Variants in PSMB2 observed in about 807,000 individuals in gnomAD.
PSMB2 encodes proteasome subunit beta type-2.
A neutral mutation model predicts 25.7 loss-of-function variants in PSMB2; 13 were observed. The observed-to-expected ratio is 0.51, with a 90% CI of 0.33 to 0.80. The LOEUF is 0.80. Among genes scored for constraint, PSMB2 ranks in the 30% least tolerant of loss-of-function variants. The pLI is 0.02. For missense variants in PSMB2, 202 were observed against 259.0 expected (o/e 0.78, Z 1.51); for synonymous variants, 87 against 96.2 (o/e 0.90, Z 0.56).
chr1:35,631,124 A>G lies in PSMB2; in HGVS notation c.285+150T>C. ...ACCTATTAATAACAACTGTGCACAA[A>G]GACATTGGACTTAAGAATGAACAAG... On this transcript the variant is annotated intron_variant, in intron 3 of 5. Coordinates refer to ENST00000373237, the MANE Select transcript of PSMB2 (RefSeq NM_002794.5). 4.3e-6 allele frequency: 3 copies of G among 695,862 alleles called. No homozygotes were observed. In the South Asian group the frequency reaches 5.5e-5, roughly 13 times the overall value. The allele number at this position is 695,862 out of a possible 1,614,324, so 43.1% of individuals were successfully genotyped here. A position where few individuals can be genotyped will look rare whatever the true frequency, so the allele number is the denominator to read the frequency against.
chr1:35,639,809 A>C (rs2148580426), intron 1 of PSMB2, among the ~76,000 whole-genome samples: 1 of 152,268 alleles, frequency 6.6e-6, no homozygotes. Flanking sequence ...AAACAAATTC[A>C]CTCCTTTGGA....
intron 4 of PSMB2, among the ~76,000 whole-genome samples, chr1:35,608,810 G>T (rs188294164): frequency 6.6e-6 from 1 of 152,200 alleles, no homozygotes; most frequent in East Asian, 1.9e-4. Context: ...TCATGCTGGG[G>T]ACCTGTTCAT....
At chr1:35,610,227 C>T (rs1650289370) in intron 3 of PSMB2, among the ~76,000 whole-genome samples, 1 of 152,048 alleles carries the variant, frequency 6.6e-6, no homozygotes, top group South Asian at 2.1e-4. Flanking sequence ...TTGCTTGAGC[C>T]CAGGAGTTTC....
At position 35,631,156 on chromosome 1, in the gene PSMB2, C is replaced by G. The variant is rs575522367; in HGVS notation, c.285+118G>C. Reference sequence around the variant, plus strand: ...GGACTTAAGAATGAACAAGTAGCAACAGGAGGGGTTCTGGAAGGCCAAAAA... The same window carrying G: ...GGACTTAAGAATGAACAAGTAGCAAGAGGAGGGGTTCTGGAAGGCCAAAAA... On this transcript the variant is annotated intron_variant, in intron 3 of 5. Coordinates refer to ENST00000373237, the MANE Select transcript of PSMB2 (RefSeq NM_002794.5). The G allele has an allele frequency of 2.1e-4, 180 of 874,440 alleles. 1 individual carries two copies. In the South Asian group the frequency reaches 2.6e-3, roughly 13 times the overall value. 54.2% of individuals were successfully genotyped at this position (874,440 alleles called of 1,614,324 possible).
Position 35,601,313 on chromosome 1 carries a change from C to T in PSMB2, c.*1954G>A, listed in dbSNP as rs143859307. On this transcript the variant is annotated 3_prime_UTR_variant, in exon 6 of 6. Coordinates refer to ENST00000373237, the MANE Select transcript of PSMB2 (RefSeq NM_002794.5). Reference sequence around the variant, plus strand: ...CTTGAACTCCTGACCTCAGGTGATCCGCCCGCCTCGGCGGGCGGCCAAAGT... The same window carrying T: ...CTTGAACTCCTGACCTCAGGTGATCTGCCCGCCTCGGCGGGCGGCCAAAGT... 2.6e-3 allele frequency: 2,452 copies of T among 931,694 alleles called. 42 individuals are homozygous for T. The African/African-American group carries it at 0.04, about 15-fold the overall frequency. 57.7% of individuals were successfully genotyped at this position (931,694 alleles called of 1,614,324 possible). A position where few individuals can be genotyped will look rare whatever the true frequency, so the allele number is the denominator to read the frequency against.
intron 3 of PSMB2, among the ~76,000 whole-genome samples, chr1:35,630,808 A>G (rs1389505934): frequency 1.3e-5 from 2 of 152,244 alleles, no homozygotes; most frequent in African/African-American, 4.8e-5. Context: ...CCACAACAGC[A>G]AAAGTAAACC....
chr1:35,631,012 GA>G (rs34050788), intron 3 of PSMB2, among the ~76,000 whole-genome samples: 5,909 of 150,554 alleles, frequency 0.039, 359 homozygotes, highest in African/African-American at 0.12. Context: ...TTTTTAGGGG[GA>G]AAAAAAAAGG....
intron 3 of PSMB2, among the ~76,000 whole-genome samples, chr1:35,628,594 AAAATATATATATATATATATAT>A (rs1217866792): frequency 1.6e-4 from 2 of 12,518 alleles, no homozygotes; most frequent in South Asian, 5.9e-3. Flanking sequence ...AAAAAAAAAA[AAAATATATATATATATATATAT>A]ATATATATAT....
At chr1:35,615,370 C>T (rs148824908) in intron 3 of PSMB2, among the ~76,000 whole-genome samples, 32 of 152,088 alleles carry the variant, frequency 2.1e-4, no homozygotes, top group Non-Finnish European at 3.7e-4. Flanking sequence ...TTGGGGGTGG[C>T]GAGTGTGCAC....
At chr1:35,635,327 A>C (rs1651215077) in intron 2 of PSMB2, among the ~76,000 whole-genome samples, 1 of 150,058 alleles carries the variant, frequency 6.7e-6, no homozygotes, top group Non-Finnish European at 1.5e-5. Context: ...GGCTAGTCTT[A>C]AACTCCTGGT....
intron 3 of PSMB2, among the ~76,000 whole-genome samples, chr1:35,614,165 C>A (rs889571081): frequency 6.6e-6 from 1 of 152,288 alleles, no homozygotes; most frequent in East Asian, 1.9e-4. Flanking sequence ...GTACTAGACA[C>A]GTAGAGCATA....
At chr1:35,611,727 G>C (rs962260973) in intron 3 of PSMB2, among the ~76,000 whole-genome samples, 5 of 152,126 alleles carry the variant, frequency 3.3e-5, no homozygotes, top group African/African-American at 1.2e-4. Context: ...GGGAGGCTGA[G>C]GCATGAGAAT....
At chr1:35,628,591 AAAAAAATATATATATATAT>A (rs1170187322) in intron 3 of PSMB2, among the ~76,000 whole-genome samples, 6 of 22,116 alleles carry the variant, frequency 2.7e-4, no homozygotes, top group Non-Finnish European at 3.6e-4. Flanking sequence ...AAAAAAAAAA[AAAAAAATATATATATATAT>A]ATATATATAT....
intron 3 of PSMB2, among the ~76,000 whole-genome samples, chr1:35,628,632 T>TATATGTATATATATA (rs1491503087): frequency 2.8e-5 from 1 of 35,484 alleles, no homozygotes; most frequent in African/African-American, 1.0e-4. Flanking sequence ...TATATATATA[T>TATATGTATATATATA]TTTTTTTTTT....
chr1:35,631,521 A>C, intron 2 of PSMB2, 177 bp from the exon 3 acceptor site: 1 of 1,424,816 alleles, frequency 7.0e-7, no homozygotes, highest in South Asian at 1.5e-5. Context: ...ACAGCTATGA[A>C]ATAGCTGGTT....
chr1:35,611,117 T>A (rs941934714), intron 3 of PSMB2, among the ~76,000 whole-genome samples: 1 of 152,224 alleles, frequency 6.6e-6, no homozygotes, highest in Admixed American at 6.5e-5. Flanking sequence ...TTTCTCCTCT[T>A]GCCTTTGCTT....
In PSMB2 at chr1:35,615,215, G is replaced by T. The variant is rs928349126; in HGVS notation, c.286-5807C>A. ...GTCCAACTTTTGTTGGTTACTAAAAGATCAAATTTAAGAAGACAGGGGAAT... is the reference window on the plus strand; with the variant it reads ...GTCCAACTTTTGTTGGTTACTAAAATATCAAATTTAAGAAGACAGGGGAAT... On this transcript the variant is annotated intron_variant, in intron 3 of 5. Coordinates refer to ENST00000373237, the MANE Select transcript of PSMB2 (RefSeq NM_002794.5). 2.6e-5 allele frequency among the ~76,000 whole-genome samples: 4 copies of T among 152,298 alleles called. No individual in the cohort carries two copies. In the South Asian group the frequency reaches 8.3e-4, roughly 32 times the overall value.
At chr1:35,629,243 TAGATAAGTAAACAGGCAC>T (rs1311121244) in intron 3 of PSMB2, among the ~76,000 whole-genome samples, 2 of 152,228 alleles carry the variant, frequency 1.3e-5, no homozygotes, top group Non-Finnish European at 2.9e-5. Context: ...CTCCATTTCA[TAGATAAGTAAACAGGCAC>T]AGGGGGTGAG....
intron 3 of PSMB2, among the ~76,000 whole-genome samples, chr1:35,629,400 G>C (rs1651022187): frequency 6.6e-6 from 1 of 152,160 alleles, no homozygotes; most frequent in South Asian, 2.1e-4. Context: ...ACTTAGTGTT[G>C]CATCTTTTAA....
Sources: gnomAD v4.1 joint callset for allele counts (sites outside exome capture counted in the v4.1 genomes callset) on GRCh38, gnomAD v4.1.1 for gene constraint, MANE v1.5 for transcripts, NCBI Gene and HGNC (gene_info 2026-07-23, HGNC 2026-07-21) for gene names.